GOLIM4: variants seen among roughly 807,000 people sequenced by gnomAD.
GOLIM4 encodes golgi integral membrane protein 4, also known as 130 kDa golgi-localized phosphoprotein.
A neutral mutation model predicts 107.4 loss-of-function variants in GOLIM4; 71 were observed. The ratio of observed to expected loss-of-function variants is 0.66; its 90% CI spans 0.55 to 0.81. The LOEUF (loss-of-function observed/expected upper bound fraction) is 0.81, where lower values mean the gene tolerates loss of function less well. Among genes scored for constraint, GOLIM4 ranks in the 30% least tolerant of loss-of-function variants. The pLI, the probability that GOLIM4 is intolerant of heterozygous loss-of-function variation, is 0.00. For missense variants in GOLIM4, 830 were observed against 826.1 expected (o/e 1.00, Z -0.06); for synonymous variants, 327 against 294.8 (o/e 1.11, Z -1.12).
intron 7 of GOLIM4, among the ~76,000 whole-genome samples, chr3:168,040,444 C>G (rs751526327): frequency 1.3e-5 from 2 of 152,122 alleles, no homozygotes; most frequent in African/African-American, 4.8e-5. Flanking sequence ...AGCATAAAAT[C>G]CTACAGATAC....
At chr3:168,073,113 C>T (rs1340971062) in intron 1 of GOLIM4, among the ~76,000 whole-genome samples, 1 of 152,176 alleles carries the variant, frequency 6.6e-6, no homozygotes, top group Non-Finnish European at 1.5e-5. Context: ...ATAATAACTG[C>T]ACTAACCCTA....
chr3:168,025,988 G>A (rs1469917182), intron 12 of GOLIM4, among the ~76,000 whole-genome samples: 2 of 152,176 alleles, frequency 1.3e-5, no homozygotes, highest in Non-Finnish European at 2.9e-5. Flanking sequence ...TCATCAATAG[G>A]ACACTTACTA....
At position 168,009,426 on chromosome 3, in the gene GOLIM4, C is replaced by CAGAA. The variant is rs201375757; in HGVS notation, c.*842_*843insTTCT. The stretch of plus-strand genomic sequence containing the variant: ...AAACAAGAATATCAATCAATGGCTT[C>CAGAA]AAACAAAAAAAAAAAAAAAAAATTG... On this transcript the variant is annotated 3_prime_UTR_variant, in exon 16 of 16. Coordinates refer to ENST00000470487, the MANE Select transcript of GOLIM4 (RefSeq NM_014498.5). The CAGAA allele has an allele frequency of 3.4e-3, 30 of 8,720 alleles. No homozygotes were observed. The highest frequency in any genetic ancestry group is 4.4e-3 in the African/African-American group (29 of 6,550). The allele number at this position is 8,720 out of a possible 1,614,324, so 0.5% of individuals were successfully genotyped here.
intron 14 of GOLIM4, among the ~76,000 whole-genome samples, chr3:168,019,485 A>AT (rs1248300384): frequency 2.0e-5 from 3 of 152,146 alleles, no homozygotes; most frequent in Non-Finnish European, 4.4e-5. Flanking sequence ...CATTTTTATC[A>AT]TTGTCCTAAT....
intron 1 of GOLIM4, among the ~76,000 whole-genome samples, chr3:168,080,640 A>G (rs1721311718): frequency 6.6e-6 from 1 of 152,138 alleles, no homozygotes; most frequent in Non-Finnish European, 1.5e-5. Context: ...CATTAACATA[A>G]ATGACCAAAT....
At chr3:168,010,955 C>T (rs1716976771) in intron 14 of GOLIM4, 132 bp from the exon 15 acceptor site, 2 of 692,582 alleles carry the variant, frequency 2.9e-6, no homozygotes, top group East Asian at 5.1e-5. Flanking sequence ...CTCAAAATAG[C>T]AGAAGCAAAA....
chr3:168,039,072 C>T (rs1718820948), intron 7 of GOLIM4, among the ~76,000 whole-genome samples: 1 of 152,076 alleles, frequency 6.6e-6, no homozygotes, highest in Non-Finnish European at 1.5e-5. Context: ...AAATACATTT[C>T]CATAGTTTAT....
chr3:168,013,470 A>T (rs1273360988), intron 14 of GOLIM4, among the ~76,000 whole-genome samples: 1 of 148,364 alleles, frequency 6.7e-6, no homozygotes, highest in Non-Finnish European at 1.5e-5. Flanking sequence ...TGTCAACATT[A>T]GACAGATCAA....
rs2108202137 is a variant in GOLIM4 at position 168,010,725 on chromosome 3, T to G, written c.1941+18A>C. ...CAAACACTCAAGTGCTCAATAGAAA[T>G]ATGTATCCCGGTCATACATTTTCAT... On this transcript the variant is annotated intron_variant, in intron 15 of 15. Transcript: ENST00000470487. The G allele has an allele frequency of 6.5e-7, 1 of 1,547,940 alleles. No homozygotes were observed. The highest frequency in any genetic ancestry group is 1.4e-5 in the African/African-American group (1 of 73,746).
intron 14 of GOLIM4, among the ~76,000 whole-genome samples, chr3:168,014,286 C>G (rs1717234564): frequency 6.6e-6 from 1 of 150,780 alleles, no homozygotes; most frequent in Non-Finnish European, 1.5e-5. Flanking sequence ...ACTAGAAAAT[C>G]TAGAAGAAAT....
chr3:168,044,821 T>C lies in GOLIM4; in HGVS notation c.366+7A>G, dbSNP rs930901524. ...TTATTCATAAATAACAACTTTAGAT[T>C]ACTCACTTTCAACATCTGATGTTGG... On this transcript the variant is annotated splice_region_variant and intron_variant, in intron 4 of 15. Transcript: ENST00000470487. The C allele has an allele frequency of 2.0e-6, 3 of 1,482,448 alleles. No individual in the cohort carries two copies. The highest frequency in any genetic ancestry group is 1.9e-6 in the Non-Finnish European group (2 of 1,075,122). The allele number at this position is 1,482,448 out of a possible 1,614,324, so 91.8% of individuals were successfully genotyped here.
intron 7 of GOLIM4, among the ~76,000 whole-genome samples, chr3:168,039,305 C>G (rs1265921501): frequency 6.6e-6 from 1 of 150,872 alleles, no homozygotes; most frequent in African/African-American, 2.4e-5. Context: ...CTCTGTCACC[C>G]AGGCTGGAGT....
At chr3:168,088,147 T>A (rs1442320513) in intron 1 of GOLIM4, among the ~76,000 whole-genome samples, 1 of 152,020 alleles carries the variant, frequency 6.6e-6, no homozygotes, top group Non-Finnish European at 1.5e-5. Flanking sequence ...AAACAACAAC[T>A]CTTAGTTGCT....
At chr3:168,039,501 T>C (rs1288089994) in intron 7 of GOLIM4, among the ~76,000 whole-genome samples, 2 of 152,072 alleles carry the variant, frequency 1.3e-5, no homozygotes, top group African/African-American at 2.4e-5. Flanking sequence ...TGACCTCAGG[T>C]GATCCACCCG....
At chr3:168,056,971 G>T (rs1041017627) in intron 1 of GOLIM4, among the ~76,000 whole-genome samples, 2 of 152,022 alleles carry the variant, frequency 1.3e-5, no homozygotes, top group African/African-American at 4.8e-5. Context: ...ATGTGGGAGG[G>T]GTCAGGGGTG....
At chr3:168,073,875 A>T (rs547159767) in intron 1 of GOLIM4, among the ~76,000 whole-genome samples, 1 of 152,322 alleles carries the variant, frequency 6.6e-6, no homozygotes, top group South Asian at 2.1e-4. Context: ...GATTGTCCCC[A>T]GTGACCTCTA....
intron 1 of GOLIM4, among the ~76,000 whole-genome samples, chr3:168,049,216 G>C (rs888389048): frequency 1.3e-5 from 2 of 152,086 alleles, no homozygotes; most frequent in Non-Finnish European, 2.9e-5. Flanking sequence ...CCCACTGCAG[G>C]CTCCACACCT....
chr3:168,010,502 T>A, intron 15 of GOLIM4, 84 bp from the exon 16 acceptor site: 1 of 997,406 alleles, frequency 1.0e-6, no homozygotes, highest in Middle Eastern at 2.6e-4. Context: ...GGATGAAAAA[T>A]TACTCATTTT....
intron 1 of GOLIM4, among the ~76,000 whole-genome samples, chr3:168,076,448 C>G (rs1158661052): frequency 6.6e-6 from 1 of 152,222 alleles, no homozygotes; most frequent in Admixed American, 6.5e-5. Context: ...AATCCCAGCA[C>G]TTTGGGAGGC....
Sources: allele counts gnomAD v4.1 joint callset (sites outside exome capture counted in the v4.1 genomes callset), GRCh38; gene constraint gnomAD v4.1.1; transcripts MANE v1.5; gene names NCBI Gene and HGNC (gene_info 2026-07-23, HGNC 2026-07-21).